The following TMTC2 variants were observed in gnomAD, a reference collection of about 807,000 sequenced individuals.
The protein encoded by TMTC2 is transmembrane O-mannosyltransferase targeting cadherins 2.
A neutral mutation model predicts 82.4 loss-of-function variants in TMTC2; 43 were observed. That is an observed-to-expected ratio of 0.52 (90% confidence interval 0.41 to 0.67). The LOEUF (loss-of-function observed/expected upper bound fraction) is 0.67. TMTC2 is among the 30% of genes least tolerant of loss of function. The probability of loss-of-function intolerance (pLI) is 0.00; values close to 1 mark genes in which losing one functional copy is unlikely to be tolerated. For synonymous variants in TMTC2, 408 were observed against 381.9 expected (o/e 1.07, Z -0.80); for missense variants, 919 against 1,012.4 (o/e 0.91, Z 1.25).
intron 1 of TMTC2, among the ~76,000 whole-genome samples, chr12:82,764,598 G>T (rs541236781): frequency 2.8e-4 from 43 of 152,208 alleles, no homozygotes; most frequent in Non-Finnish European, 4.6e-4. Flanking sequence ...ACCACATTTT[G>T]CCCTTAAGCT....
intron 11 of TMTC2, among the ~76,000 whole-genome samples, chr12:83,095,173 G>A (rs1186692176): frequency 6.6e-6 from 1 of 151,070 alleles, no homozygotes; most frequent in African/African-American, 2.4e-5. Flanking sequence ...GGTGGCTTAA[G>A]TTTGATGTGG....
In TMTC2 at chr12:82,930,285, G is replaced by GT; in HGVS notation, c.1484-144dup. 1.2e-5 allele frequency: 6 copies of GT among 502,352 alleles called. No homozygotes were observed. In the South Asian group the frequency reaches 2.1e-4, roughly 18 times the overall value. The allele number at this position is 502,352 out of a possible 1,614,324, so 31.1% of individuals were successfully genotyped here. ...ATTTAATCTCCTGGCCTGATGAAAT[G>GT]TTAGAGTATAAAGGAAATACATTTT... On this transcript the variant is annotated intron_variant, in intron 3 of 11. Transcript: ENST00000321196.
chr12:83,001,973 A>T (rs1879947309), intron 8 of TMTC2, among the ~76,000 whole-genome samples: 1 of 152,184 alleles, frequency 6.6e-6, no homozygotes, highest in Non-Finnish European at 1.5e-5. Context: ...TGCTTTTCGT[A>T]TCAGAATGAT....
intron 8 of TMTC2, chr12:83,022,071 C>G (rs909071954): frequency 6.7e-6 from 1 of 149,428 alleles, no homozygotes; most frequent in Admixed American, 6.7e-5. Context: ...ATGTGGCATT[C>G]AAATTGAAAT....
intron 8 of TMTC2, among the ~76,000 whole-genome samples, chr12:83,011,549 A>G (rs1441193127): frequency 1.3e-5 from 2 of 152,220 alleles, no homozygotes; most frequent in Admixed American, 6.5e-5. Flanking sequence ...TTATTTGACC[A>G]TAACTGTACT....
At chr12:82,919,882 C>G (rs1344200827) in intron 3 of TMTC2, among the ~76,000 whole-genome samples, 2 of 152,226 alleles carry the variant, frequency 1.3e-5, no homozygotes, top group Non-Finnish European at 2.9e-5. Flanking sequence ...CATTTCCGCT[C>G]TCTCAGACTG....
At chr12:83,035,397 G>A (rs915125643) in intron 9 of TMTC2, among the ~76,000 whole-genome samples, 6 of 152,136 alleles carry the variant, frequency 3.9e-5, no homozygotes, top group African/African-American at 1.2e-4. Flanking sequence ...AGGTTGTGCT[G>A]TGTGGTACCT....
At chr12:82,830,704 G>A in intron 1 of TMTC2, among the ~76,000 whole-genome samples, 1 of 152,068 alleles carries the variant, frequency 6.6e-6, no homozygotes, top group East Asian at 1.9e-4. Context: ...CAATCTAAAT[G>A]TCAGGGCAAT....
At chr12:82,719,255 G>A (rs1012714557) in intron 1 of TMTC2, among the ~76,000 whole-genome samples, 4 of 150,802 alleles carry the variant, frequency 2.7e-5, no homozygotes, top group African/African-American at 7.3e-5. Context: ...CACCACACCC[G>A]GCTAATTTTT....
chr12:83,017,162 G>C (rs1278334864), intron 8 of TMTC2, among the ~76,000 whole-genome samples: 1 of 152,146 alleles, frequency 6.6e-6, no homozygotes, highest in Non-Finnish European at 1.5e-5. Flanking sequence ...GGAATGGACA[G>C]CTGAGGTCAC....
intron 2 of TMTC2, among the ~76,000 whole-genome samples, chr12:82,882,114 C>G (rs1477596704): frequency 1.3e-5 from 2 of 148,272 alleles, no homozygotes; most frequent in East Asian, 3.9e-4. Context: ...ATTCTCCTGC[C>G]TCAGCCTCCC....
chr12:83,107,482 A>T (rs1247005075), intron 11 of TMTC2, among the ~76,000 whole-genome samples: 1 of 152,186 alleles, frequency 6.6e-6, no homozygotes, highest in Non-Finnish European at 1.5e-5. Context: ...CTCTTTAAAA[A>T]GCCATTAATC....
chr12:82,816,838 G>A (rs927805048), intron 1 of TMTC2, among the ~76,000 whole-genome samples: 1 of 152,054 alleles, frequency 6.6e-6, no homozygotes, highest in African/African-American at 2.4e-5. Context: ...ATTTGTGTAA[G>A]CAAATAAAAT....
At chr12:83,046,993 G>T (rs12317170) in intron 9 of TMTC2, among the ~76,000 whole-genome samples, 7 of 152,164 alleles carry the variant, frequency 4.6e-5, no homozygotes, top group Non-Finnish European at 1.0e-4. Flanking sequence ...CTAAGAAGGC[G>T]TCACTAAGAA....
chr12:83,004,073 C>G (rs1297945952), intron 8 of TMTC2, among the ~76,000 whole-genome samples: 1 of 152,048 alleles, frequency 6.6e-6, no homozygotes, highest in African/African-American at 2.4e-5. Flanking sequence ...TTTTCTTATT[C>G]TTTATTCTCT....
chr12:83,034,940 G>C (rs1169722721), intron 9 of TMTC2, among the ~76,000 whole-genome samples: 1 of 152,144 alleles, frequency 6.6e-6, no homozygotes, highest in East Asian at 1.9e-4. Flanking sequence ...TTCTTAGATT[G>C]TTATGCCAAC....
intron 1 of TMTC2, among the ~76,000 whole-genome samples, chr12:82,802,471 A>C (rs1048709008): frequency 6.6e-5 from 10 of 152,188 alleles, no homozygotes; most frequent in Admixed American, 2.6e-4. Flanking sequence ...GCTGAGAGTG[A>C]GCGAGGACTG....
chr12:83,040,778 G>C (rs1011852209), intron 9 of TMTC2, among the ~76,000 whole-genome samples: 1 of 146,534 alleles, frequency 6.8e-6, no homozygotes, highest in Non-Finnish European at 1.5e-5. Context: ...TCTGCCTCCC[G>C]GGTTCATGCC....
intron 1 of TMTC2, among the ~76,000 whole-genome samples, chr12:82,718,619 T>C (rs755697954): frequency 6.6e-6 from 1 of 152,168 alleles, no homozygotes; most frequent in Non-Finnish European, 1.5e-5. Flanking sequence ...ACTCAGAAGA[T>C]GTGTTTTTCT....
Sources: gnomAD v4.1 joint callset for allele counts (sites outside exome capture counted in the v4.1 genomes callset) on GRCh38, gnomAD v4.1.1 for gene constraint, MANE v1.5 for transcripts, NCBI Gene and HGNC (gene_info 2026-07-23, HGNC 2026-07-21) for gene names.